Variants in ADAMTSL1 observed in about 807,000 individuals in gnomAD.
ADAMTSL1 encodes ADAMTS-like protein 1.
ADAMTSL1 carries 126 observed loss-of-function variants against 201.8 expected under a neutral mutation model. The observed-to-expected ratio is 0.62, with a 90% CI of 0.54 to 0.72. The LOEUF (loss-of-function observed/expected upper bound fraction) is 0.72. Among genes scored for constraint, ADAMTSL1 ranks in the 30% least tolerant of loss-of-function variants. The pLI is 0.00. For synonymous variants in ADAMTSL1, 1,121 were observed against 903.4 expected, an observed-to-expected ratio of 1.24 and a Z score of -4.32; for missense variants, 2,679 against 2,277.8, an observed-to-expected ratio of 1.18 and a Z score of -3.59.
intron 1 of ADAMTSL1, among the ~76,000 whole-genome samples, chr9:18,474,591 A>G (rs1821359217): frequency 6.6e-6 from 1 of 152,114 alleles, no homozygotes; most frequent in South Asian, 2.1e-4. Context: ...TGAGGACTGT[A>G]TATATGGTGG....
intron 1 of ADAMTSL1, among the ~76,000 whole-genome samples, chr9:17,916,217 C>T (rs114658758): frequency 6.6e-6 from 1 of 152,184 alleles, no homozygotes; most frequent in South Asian, 2.1e-4. Context: ...CACCACCCAG[C>T]CACTATGAAT....
intron 3 of ADAMTSL1, among the ~76,000 whole-genome samples, chr9:18,566,324 C>G (rs531919195): frequency 1.1e-4 from 17 of 152,226 alleles, no homozygotes; most frequent in African/African-American, 4.1e-4. Flanking sequence ...TGGTATGTAA[C>G]AGAAAGCCAA....
chr9:18,026,256 G>T (rs1263563663), intron 1 of ADAMTSL1, among the ~76,000 whole-genome samples: 2 of 151,920 alleles, frequency 1.3e-5, no homozygotes, highest in Non-Finnish European at 2.9e-5. Context: ...ACATAGAAGT[G>T]GTGAAAATAA....
intron 13 of ADAMTSL1, among the ~76,000 whole-genome samples, chr9:18,701,541 A>G (rs1457288478): frequency 6.6e-6 from 1 of 152,048 alleles, no homozygotes; most frequent in Non-Finnish European, 1.5e-5. Flanking sequence ...TTTTTCTCAC[A>G]TATTATTCAG....
intron 3 of ADAMTSL1, among the ~76,000 whole-genome samples, chr9:18,573,645 A>G (rs1207227166): frequency 6.6e-6 from 1 of 152,224 alleles, no homozygotes; most frequent in East Asian, 1.9e-4. Flanking sequence ...AAAGAGACAA[A>G]TAATTTCAAC....
At chr9:18,037,506 T>C (rs569616740) in intron 1 of ADAMTSL1, among the ~76,000 whole-genome samples, 3 of 152,334 alleles carry the variant, frequency 2.0e-5, no homozygotes, top group African/African-American at 7.2e-5. Flanking sequence ...TTTTCTAAAA[T>C]ACACTTCTTT....
At chr9:18,841,478 G>C (rs1825711727) in intron 23 of ADAMTSL1, among the ~76,000 whole-genome samples, 1 of 152,170 alleles carries the variant, frequency 6.6e-6, no homozygotes, top group Non-Finnish European at 1.5e-5. Flanking sequence ...TGTTCATCAA[G>C]GATATTGGTC....
chr9:17,906,723 G>C (rs1812514460), exon 1 of ADAMTSL1: 1 of 152,856 alleles, frequency 6.5e-6, no homozygotes, highest in South Asian at 2.1e-4. Flanking sequence ...GCGCACGCCC[G>C]AGCCCGCCTG....
chr9:18,839,133 A>C, intron 23 of ADAMTSL1, among the ~76,000 whole-genome samples: 1 of 148,866 alleles, frequency 6.7e-6, no homozygotes, highest in East Asian at 2.0e-4. Flanking sequence ...TGCTGCACCC[A>C]TTAACTCGTC....
At chr9:18,457,436 A>G (rs1472523605) in intron 2 of ADAMTSL1, among the ~76,000 whole-genome samples, 2 of 152,110 alleles carry the variant, frequency 1.3e-5, no homozygotes, top group African/African-American at 4.8e-5. Flanking sequence ...GGCTCCAGGG[A>G]TCCTCCCACC....
intron 2 of ADAMTSL1, among the ~76,000 whole-genome samples, chr9:18,522,673 G>A (rs1818773718): frequency 6.8e-6 from 1 of 146,234 alleles, no homozygotes; most frequent in South Asian, 2.1e-4. Context: ...TCCCACCTAT[G>A]AGTGAGAACA....
chr9:18,200,225 A>G (rs1431622225), intron 2 of ADAMTSL1, among the ~76,000 whole-genome samples: 1 of 152,092 alleles, frequency 6.6e-6, no homozygotes, highest in African/African-American at 2.4e-5. Flanking sequence ...CTTGAGATCA[A>G]GAGTTTGAGA....
intron 1 of ADAMTSL1, among the ~76,000 whole-genome samples, chr9:17,992,848 C>A (rs1253091413): frequency 2.0e-5 from 3 of 152,196 alleles, no homozygotes; most frequent in African/African-American, 7.2e-5. Context: ...ACCCAGGTTT[C>A]TGTAATCCCC....
intron 2 of ADAMTSL1, among the ~76,000 whole-genome samples, chr9:18,241,940 G>T (rs1263661931): frequency 6.6e-6 from 1 of 152,046 alleles, no homozygotes; most frequent in Non-Finnish European, 1.5e-5. Flanking sequence ...AATATTCTAA[G>T]AAAAATTAAT....
At chr9:18,340,155 A>G (rs1160061643) in intron 2 of ADAMTSL1, among the ~76,000 whole-genome samples, 9 of 151,958 alleles carry the variant, frequency 5.9e-5, no homozygotes, top group Non-Finnish European at 1.0e-4. Context: ...CCCCAACACC[A>G]CCTATTCTTT....
At chr9:18,807,017 T>C (rs1017625034) in intron 20 of ADAMTSL1, among the ~76,000 whole-genome samples, 2 of 152,242 alleles carry the variant, frequency 1.3e-5, no homozygotes, top group African/African-American at 2.4e-5. Flanking sequence ...AAAGCTGTAC[T>C]GTGGGTACAA....
rs1819737455 is a variant in ADAMTSL1, at chr9:18,004,485, G to A, written c.87+97563G>A. ...AGAATGATGTGGGAAGCAAAGGCGG[G>A]GACCTGCCACATGCCAAGGGGAGAG... is the stretch of plus-strand genomic sequence containing the variant. On this transcript the variant is annotated intron_variant, in intron 1 of 29. Transcript: ENST00000680146. Among the ~76,000 whole-genome samples, 3 of 152,028 alleles carry A rather than the reference G, an allele frequency of 2.0e-5. No individual in the cohort carries two copies. The South Asian group carries it at 6.2e-4, about 31-fold the overall frequency.
At chr9:18,608,957 T>C (rs549748826) in intron 4 of ADAMTSL1, among the ~76,000 whole-genome samples, 1 of 152,318 alleles carries the variant, frequency 6.6e-6, no homozygotes, top group South Asian at 2.1e-4. Context: ...ATATCCCTTA[T>C]ACTAAGATGG....
At chr9:18,557,601 C>T (rs558804172) in intron 3 of ADAMTSL1, among the ~76,000 whole-genome samples, 2 of 151,988 alleles carry the variant, frequency 1.3e-5, no homozygotes, top group East Asian at 3.9e-4. Flanking sequence ...TCACTGACAA[C>T]CAAAAAGAAG....
Sources: gnomAD v4.1 joint callset for allele counts (sites outside exome capture counted in the v4.1 genomes callset) on GRCh38, gnomAD v4.1.1 for gene constraint, MANE v1.5 for transcripts, NCBI Gene and HGNC (gene_info 2026-07-23, HGNC 2026-07-21) for gene names.